The following BICDL1 variants were observed in gnomAD, a reference collection of about 807,000 sequenced individuals.
The protein encoded by BICDL1 is BICD family-like cargo adapter 1.
In BICDL1, 20 loss-of-function variants were observed where a neutral mutation model predicts 76.8. That is an observed-to-expected ratio of 0.26 (90% CI 0.18 to 0.38). The LOEUF (loss-of-function observed/expected upper bound fraction) is 0.38. BICDL1 is among the 10% of genes least tolerant of loss of function. BICDL1 has a pLI of 1.00. For missense variants in BICDL1, 700 were observed against 798.6 expected, an observed-to-expected ratio of 0.88 and a Z score of 1.49; for synonymous variants, 383 against 337.1, an observed-to-expected ratio of 1.14 and a Z score of -1.49.
chr12:120,013,702 TC>T (rs1468748824), intron 2 of BICDL1, among the ~76,000 whole-genome samples: 6 of 152,150 alleles, frequency 3.9e-5, no homozygotes, highest in African/African-American at 1.4e-4. Flanking sequence ...CCTCAAGTGA[TC>T]CGCCTGCCTC....
At chr12:120,084,349 T>G (rs929956939) in intron 8 of BICDL1, among the ~76,000 whole-genome samples, 1 of 152,094 alleles carries the variant, frequency 6.6e-6, no homozygotes, top group Non-Finnish European at 1.5e-5. Context: ...AAGTAAAAAT[T>G]TTTAATCCCA....
At position 120,028,022 on chromosome 12, in the gene BICDL1, C is replaced by T. The variant is rs539627452; in HGVS notation, c.645+29286C>T. On this transcript the variant is annotated intron_variant, in intron 2 of 9. Transcript: ENST00000548673. ...AATGGTGGGTATTAATCTCACTCTG[C>T]ATTACCATACTGTTATGCTGTTAAT... Among the ~76,000 whole-genome samples, 10 of 152,328 alleles carry T rather than the reference C, an allele frequency of 6.6e-5. No homozygotes were observed. The East Asian group carries it at 1.7e-3, about 26-fold the overall frequency.
intron 2 of BICDL1, among the ~76,000 whole-genome samples, chr12:120,043,809 G>A (rs964439345): frequency 3.9e-5 from 6 of 152,148 alleles, no homozygotes; most frequent in Non-Finnish European, 8.8e-5. Context: ...CATACAGTAC[G>A]CATTTGAATA....
At chr12:120,032,894 G>C (rs1946307202) in intron 2 of BICDL1, among the ~76,000 whole-genome samples, 1 of 151,610 alleles carries the variant, frequency 6.6e-6, no homozygotes, top group African/African-American at 2.4e-5. Flanking sequence ...CTATAGGCGG[G>C]CACCACCATG....
At chr12:120,074,002 C>CTCTGCCTCCCGGGTTCACGCCATTCT (rs1873320997) in intron 6 of BICDL1, among the ~76,000 whole-genome samples, 1 of 152,192 alleles carries the variant, frequency 6.6e-6, no homozygotes, top group Non-Finnish European at 1.5e-5. Flanking sequence ...TCACTGCAAC[C>CTCTGCCTCCCGGGTTCACGCCATTCT]TCTGCCTCCC....
chr12:120,049,389 GT>G (rs999173365), intron 2 of BICDL1, among the ~76,000 whole-genome samples: 1 of 152,170 alleles, frequency 6.6e-6, no homozygotes, highest in African/African-American at 2.4e-5. Context: ...GCAAGAAAAT[GT>G]CTTTTCATAT....
At chr12:119,997,161 T>A (rs1951667298) in intron 1 of BICDL1, among the ~76,000 whole-genome samples, 1 of 152,148 alleles carries the variant, frequency 6.6e-6, no homozygotes, top group African/African-American at 2.4e-5. Context: ...TTAACCAGGA[T>A]GGTCTCGATC....
chr12:120,086,774 T>G (rs542206746), intron 8 of BICDL1, among the ~76,000 whole-genome samples: 1 of 152,368 alleles, frequency 6.6e-6, no homozygotes, highest in South Asian at 2.1e-4. Context: ...AAGGAATTAT[T>G]CGAGCCCTTG....
At chr12:120,078,736 G>C (rs1311784952) in intron 7 of BICDL1, among the ~76,000 whole-genome samples, 1 of 152,202 alleles carries the variant, frequency 6.6e-6, no homozygotes, top group Non-Finnish European at 1.5e-5. Context: ...AGGTTTTTTA[G>C]GCCAAAGCAA....
chr12:120,080,688 A>G (rs1156917051), intron 7 of BICDL1, 199 bp from the exon 8 acceptor site: 1 of 468,412 alleles, frequency 2.1e-6, no homozygotes. Flanking sequence ...TGCCGAGCTC[A>G]AGCCTAGCAT....
chr12:120,031,355 C>G lies in BICDL1; in HGVS notation c.646-30355C>G, dbSNP rs1039631675. Among the ~76,000 whole-genome samples the G allele has an allele frequency of 3.3e-5, 5 of 152,138 alleles. No homozygotes were observed. The East Asian group carries it at 9.7e-4, about 29-fold the overall frequency. On this transcript the variant is annotated intron_variant, in intron 2 of 9. Transcript: ENST00000548673. ...AGTAGCTGGGATGACAGGTGCCCAC[C>G]ACCATGCCTGGCTAATTTTTTTGTA...
intron 2 of BICDL1, among the ~76,000 whole-genome samples, chr12:120,054,811 C>T (rs1004119012): frequency 1.3e-5 from 2 of 151,970 alleles, no homozygotes; most frequent in African/African-American, 2.4e-5. Context: ...ACCTGGGAGG[C>T]GGAGGTTGCA....
chr12:120,000,474 T>G (rs779989049), intron 2 of BICDL1: 1 of 152,236 alleles, frequency 6.6e-6, no homozygotes, highest in Non-Finnish European at 1.5e-5. Flanking sequence ...TCATGAAAGA[T>G]TCAACCAGAG....
At chr12:120,018,645 G>C (rs557199523) in intron 2 of BICDL1, among the ~76,000 whole-genome samples, 1 of 151,786 alleles carries the variant, frequency 6.6e-6, no homozygotes, top group Non-Finnish European at 1.5e-5. Context: ...TTGATGTTCA[G>C]AAAGTTTGCA....
chr12:120,002,163 C>G (rs1279283002), intron 2 of BICDL1, among the ~76,000 whole-genome samples: 1 of 152,208 alleles, frequency 6.6e-6, no homozygotes, highest in Non-Finnish European at 1.5e-5. Flanking sequence ...ATAGCAGTCA[C>G]TCATTTCTCC....
chr12:120,008,030 T>C (rs1043012817), intron 2 of BICDL1, among the ~76,000 whole-genome samples: 2 of 152,166 alleles, frequency 1.3e-5, no homozygotes, highest in East Asian at 1.9e-4. Flanking sequence ...AAAGAAGTTA[T>C]GAAAACAAGA....
chr12:120,082,734 G>C (rs1464846490), intron 8 of BICDL1, among the ~76,000 whole-genome samples: 1 of 151,182 alleles, frequency 6.6e-6, no homozygotes, highest in Non-Finnish European at 1.5e-5. Flanking sequence ...ATGCCGGGCA[G>C]ATTTTTGTAT....
intron 8 of BICDL1, among the ~76,000 whole-genome samples, chr12:120,084,446 C>A (rs991054514): frequency 6.6e-6 from 1 of 152,224 alleles, no homozygotes. Flanking sequence ...TCTTCTGATT[C>A]CCGTCTTCCT....
intron 2 of BICDL1, among the ~76,000 whole-genome samples, chr12:120,035,972 T>C (rs1305580279): frequency 1.3e-5 from 2 of 152,262 alleles, no homozygotes; most frequent in Non-Finnish European, 2.9e-5. Context: ...TGTGAATTAT[T>C]TTCTGTCTTC....
Sources: gnomAD v4.1 joint callset for allele counts (sites outside exome capture counted in the v4.1 genomes callset) on GRCh38, gnomAD v4.1.1 for gene constraint, MANE v1.5 for transcripts, NCBI Gene and HGNC (gene_info 2026-07-23, HGNC 2026-07-21) for gene names.